CTNNA2: variants seen among roughly 807,000 people sequenced by gnomAD.
CTNNA2 encodes catenin alpha-2.
In CTNNA2, 42 loss-of-function variants were observed where a neutral mutation model predicts 101.0. The ratio of observed to expected loss-of-function variants is 0.42; its 90% CI spans 0.32 to 0.54. The LOEUF (loss-of-function observed/expected upper bound fraction) is 0.54, where lower values mean the gene tolerates loss of function less well. Ranked by LOEUF, CTNNA2 falls within the 20% of genes least tolerant of loss-of-function variation. The pLI is 0.14. For synonymous variants in CTNNA2, 450 were observed against 456.4 expected (o/e 0.99, Z 0.18); for missense variants, 871 against 1,223.1 (o/e 0.71, Z 4.29).
At chr2:80,342,112 G>A (rs1415912491) in intron 7 of CTNNA2, among the ~76,000 whole-genome samples, 3 of 152,152 alleles carry the variant, frequency 2.0e-5, no homozygotes, top group African/African-American at 7.2e-5. Context: ...TGGAGGAAAG[G>A]GTAGAGGGAA....
intron 12 of CTNNA2, among the ~76,000 whole-genome samples, chr2:80,561,635 GCTC>G (rs1010238542): frequency 6.6e-6 from 1 of 152,036 alleles, no homozygotes; most frequent in African/African-American, 2.4e-5. Flanking sequence ...AGAAATTGGT[GCTC>G]CTCCTGAGGG....
chr2:80,177,327 C>T (rs908764996), intron 7 of CTNNA2, among the ~76,000 whole-genome samples: 7 of 152,136 alleles, frequency 4.6e-5, no homozygotes, highest in South Asian at 2.1e-4. Flanking sequence ...TGGAGTAAGT[C>T]GATTCCGGTG....
At chr2:79,988,516 G>A (rs902611271) in intron 7 of CTNNA2, among the ~76,000 whole-genome samples, 3 of 151,566 alleles carry the variant, frequency 2.0e-5, no homozygotes, top group Non-Finnish European at 4.4e-5. Context: ...GCTTCTATGT[G>A]AGGAGCCACA....
chr2:80,333,356 G>T (rs1327772671), intron 7 of CTNNA2, among the ~76,000 whole-genome samples: 7 of 152,128 alleles, frequency 4.6e-5, no homozygotes, highest in African/African-American at 1.7e-4. Context: ...TGGGCTTTGT[G>T]GGTGATTGAA....
At chr2:79,645,431 T>A (rs1234850445) in intron 1 of CTNNA2, among the ~76,000 whole-genome samples, 1 of 152,124 alleles carries the variant, frequency 6.6e-6, no homozygotes, top group African/African-American at 2.4e-5. Flanking sequence ...TACAGGAGAC[T>A]CAGTACTAAT....
At chr2:79,992,985 C>A (rs1692287892) in intron 7 of CTNNA2, among the ~76,000 whole-genome samples, 1 of 152,146 alleles carries the variant, frequency 6.6e-6, no homozygotes, top group Non-Finnish European at 1.5e-5. Context: ...GCTTTCATTA[C>A]TTCTCCCCTT....
intron 7 of CTNNA2, among the ~76,000 whole-genome samples, chr2:80,342,960 A>C (rs1429132723): frequency 1.3e-5 from 2 of 152,176 alleles, no homozygotes; most frequent in Non-Finnish European, 2.9e-5. Context: ...TGGTAGCCTC[A>C]AATGTTGTTT....
intron 9 of CTNNA2, among the ~76,000 whole-genome samples, chr2:80,477,377 A>G (rs1199347894): frequency 6.6e-6 from 1 of 152,180 alleles, no homozygotes; most frequent in Non-Finnish European, 1.5e-5. Flanking sequence ...AAAAATCAAT[A>G]GATTTATGGG....
intron 9 of CTNNA2, among the ~76,000 whole-genome samples, chr2:80,475,590 G>A (rs751307957): frequency 3.5e-4 from 53 of 152,158 alleles, no homozygotes; most frequent in Non-Finnish European, 5.4e-4. Flanking sequence ...ATGAAATCAT[G>A]TGAAGTGGAG....
chr2:79,211,351 C>T (rs1015370730), intron 2 of CTNNA2, among the ~76,000 whole-genome samples: 3 of 152,102 alleles, frequency 2.0e-5, no homozygotes, highest in East Asian at 1.9e-4. Flanking sequence ...ACTTTTCATG[C>T]GCGTCCGTGA....
chr2:80,454,054 G>A (rs1023451284), intron 9 of CTNNA2, among the ~76,000 whole-genome samples: 3 of 152,118 alleles, frequency 2.0e-5, no homozygotes, highest in African/African-American at 7.2e-5. Context: ...AAAAGAAAGG[G>A]CAAAGAGGGA....
chr2:80,457,719 T>C (rs1312290761), intron 9 of CTNNA2, among the ~76,000 whole-genome samples: 1 of 152,190 alleles, frequency 6.6e-6, no homozygotes, highest in Admixed American at 6.5e-5. Flanking sequence ...CATTCTCTTT[T>C]CTCTTGAGAA....
intron 4 of CTNNA2, among the ~76,000 whole-genome samples, chr2:79,864,000 G>A (rs1681835005): frequency 6.6e-6 from 1 of 152,174 alleles, no homozygotes; most frequent in South Asian, 2.1e-4. Flanking sequence ...GCCTGTTGAA[G>A]GAGCACACCA....
intron 5 of CTNNA2, among the ~76,000 whole-genome samples, chr2:79,871,207 T>C (rs1682555826): frequency 1.3e-5 from 2 of 152,200 alleles, no homozygotes; most frequent in African/African-American, 4.8e-5. Context: ...CAAACATTTA[T>C]TGAATGTTCA....
chr2:80,282,850 G>A (rs1039181055), intron 7 of CTNNA2, among the ~76,000 whole-genome samples: 1 of 151,952 alleles, frequency 6.6e-6, no homozygotes, highest in Non-Finnish European at 1.5e-5. Flanking sequence ...TGATTTAAAG[G>A]GCACTCCAGA....
chr2:79,452,520 A>G (rs1670768179), intron 4 of CTNNA2, among the ~76,000 whole-genome samples: 1 of 151,920 alleles, frequency 6.6e-6, no homozygotes, highest in Non-Finnish European at 1.5e-5. Flanking sequence ...TAGTTAAGAG[A>G]GATTTTTTCT....
intron 7 of CTNNA2, among the ~76,000 whole-genome samples, chr2:80,311,202 C>G (rs1056421726): frequency 1.3e-5 from 2 of 151,964 alleles, no homozygotes; most frequent in Non-Finnish European, 2.9e-5. Flanking sequence ...GGCGCCCATG[C>G]CTTTAAATGT....
At chr2:79,737,271 C>A (rs1200508945) in intron 2 of CTNNA2, among the ~76,000 whole-genome samples, 1 of 151,674 alleles carries the variant, frequency 6.6e-6, no homozygotes, top group African/African-American at 2.4e-5. Context: ...ATAGCTTGAA[C>A]TCAGGAGATA....
chr2:79,871,594 G>A (rs913593766), intron 5 of CTNNA2, among the ~76,000 whole-genome samples: 14 of 152,154 alleles, frequency 9.2e-5, no homozygotes, highest in African/African-American at 2.7e-4. Flanking sequence ...GCCCCCAGCC[G>A]ACTGGATGGT....
Sources: allele counts gnomAD v4.1 joint callset (sites outside exome capture counted in the v4.1 genomes callset), GRCh38; gene constraint gnomAD v4.1.1; transcripts MANE v1.5; gene names NCBI Gene and HGNC (gene_info 2026-07-23, HGNC 2026-07-21).